L3MBTL4: variants seen among roughly 807,000 people sequenced by gnomAD.
L3MBTL4 encodes L3MBTL histone methyl-lysine binding protein 4, also known as lethal(3)malignant brain tumor-like protein 4.
In L3MBTL4, 70 loss-of-function variants were observed where a neutral mutation model predicts 84.5. The ratio of observed to expected loss-of-function variants is 0.83; its 90% CI spans 0.68 to 1.01. The LOEUF (loss-of-function observed/expected upper bound fraction) is 1.01, where lower values mean the gene tolerates loss of function less well. L3MBTL4 is among the 50% of genes least tolerant of loss of function. The pLI, the probability that L3MBTL4 is intolerant of heterozygous loss-of-function variation, is 0.00. For missense variants in L3MBTL4, 715 were observed against 754.8 expected, an observed-to-expected ratio of 0.95 and a Z score of 0.62; for synonymous variants, 274 against 259.8, an observed-to-expected ratio of 1.05 and a Z score of -0.52.
At chr18:6,104,794 G>A (rs2058947621) in intron 14 of L3MBTL4, among the ~76,000 whole-genome samples, 1 of 152,156 alleles carries the variant, frequency 6.6e-6, no homozygotes, top group South Asian at 2.1e-4. Context: ...GATAAACACT[G>A]ATTTGTAGAT....
At chr18:5,997,676 T>A (rs2054036407) in intron 16 of L3MBTL4, among the ~76,000 whole-genome samples, 1 of 152,096 alleles carries the variant, frequency 6.6e-6, no homozygotes, top group African/African-American at 2.4e-5. Context: ...CTGATTGATG[T>A]CTCATGTCTC....
At chr18:6,196,157 CTT>C (rs71370547) in intron 12 of L3MBTL4, among the ~76,000 whole-genome samples, 18 of 130,192 alleles carry the variant, frequency 1.4e-4, no homozygotes, top group East Asian at 2.1e-4. Flanking sequence ...TAGAGTTCCT[CTT>C]TTTTTTTTTT....
intron 13 of L3MBTL4, among the ~76,000 whole-genome samples, chr18:6,149,004 G>T (rs2042770961): frequency 6.6e-6 from 1 of 151,788 alleles, no homozygotes; most frequent in South Asian, 2.1e-4. Context: ...TATGAAAATT[G>T]TCTCTCAAAG....
chr18:6,018,375 G>A (rs2055097261), intron 16 of L3MBTL4, among the ~76,000 whole-genome samples: 1 of 152,184 alleles, frequency 6.6e-6, no homozygotes, highest in Admixed American at 6.5e-5. Flanking sequence ...GGCTGCACGG[G>A]TGATTCTGAT....
chr18:6,058,374 A>G (rs2057095830), intron 16 of L3MBTL4, among the ~76,000 whole-genome samples: 2 of 152,248 alleles, frequency 1.3e-5, no homozygotes, highest in Admixed American at 1.3e-4. Context: ...ATTGTTCCTC[A>G]TTGTCTGTGT....
intron 12 of L3MBTL4, among the ~76,000 whole-genome samples, chr18:6,188,891 A>C (rs1023524198): frequency 3.9e-5 from 6 of 152,228 alleles, no homozygotes; most frequent in Non-Finnish European, 7.3e-5. Flanking sequence ...ACCAGAGATG[A>C]ACTAAAGCTA....
chr18:6,410,992 C>G (rs2055942315), intron 1 of L3MBTL4, among the ~76,000 whole-genome samples: 2 of 152,216 alleles, frequency 1.3e-5, no homozygotes, highest in African/African-American at 2.4e-5. Flanking sequence ...TGTGACAACT[C>G]TGATGGGCTC....
chr18:6,126,053 T>C (rs1200728489), intron 14 of L3MBTL4, among the ~76,000 whole-genome samples: 1 of 152,170 alleles, frequency 6.6e-6, no homozygotes, highest in Non-Finnish European at 1.5e-5. Context: ...TTTTATATTT[T>C]ATTGAAGGAC....
At chr18:6,398,286 G>T (rs2144614987) in intron 1 of L3MBTL4, among the ~76,000 whole-genome samples, 1 of 152,316 alleles carries the variant, frequency 6.6e-6, no homozygotes, top group African/African-American at 2.4e-5. Flanking sequence ...TGAGTGTTAA[G>T]AGGTCAGAGG....
chr18:6,265,285 T>C (rs957704925), intron 4 of L3MBTL4, among the ~76,000 whole-genome samples: 5 of 152,204 alleles, frequency 3.3e-5, no homozygotes, highest in Non-Finnish European at 5.9e-5. Flanking sequence ...GATGAATAGC[T>C]AATCTTTGTA....
At chr18:6,274,517 G>T (rs753921195) in intron 4 of L3MBTL4, among the ~76,000 whole-genome samples, 20 of 152,138 alleles carry the variant, frequency 1.3e-4, no homozygotes, top group Non-Finnish European at 2.6e-4. Flanking sequence ...TCTGTTCCTT[G>T]CAAAAGAAAG....
intron 13 of L3MBTL4, among the ~76,000 whole-genome samples, chr18:6,168,160 C>T (rs1405944321): frequency 1.3e-5 from 2 of 152,088 alleles, no homozygotes; most frequent in Non-Finnish European, 2.9e-5. Context: ...CAAACCACTG[C>T]TCAATGAAAT....
In L3MBTL4 at chr18:6,261,828, C is replaced by G. The variant is rs558898039; in HGVS notation, c.219+2119G>C. On this transcript the variant is annotated intron_variant, in intron 5 of 18. Coordinates refer to ENST00000317931, the MANE Select transcript of L3MBTL4 (RefSeq NM_001330559.2). ...CTCTAGAATAATGTTAATACCCTGA[C>G]GGGCTGAGATGTGGGGCAACACAGG... 6.5e-4 allele frequency among the ~76,000 whole-genome samples: 99 copies of G among 152,266 alleles called. 1 individual carries two copies. Among genetic ancestry groups the G allele is most frequent in the African/African-American group, 2.3e-3 (94 of 41,558 alleles).
intron 16 of L3MBTL4, among the ~76,000 whole-genome samples, chr18:6,062,834 T>TC (rs34187477): frequency 0.26 from 39,113 of 151,752 alleles, 5,701 homozygotes; most frequent in East Asian, 0.59. Context: ...TTCCAATTTT[T>TC]TTTTTTTTAA....
At chr18:6,321,380 C>A (rs145921677) in intron 1 of L3MBTL4, among the ~76,000 whole-genome samples, 3 of 151,968 alleles carry the variant, frequency 2.0e-5, no homozygotes, top group African/African-American at 7.2e-5. Context: ...AACAAGTCAG[C>A]AAGAAAAAAA....
At chr18:6,163,268 G>GT (rs1341011839) in intron 13 of L3MBTL4, among the ~76,000 whole-genome samples, 46 of 89,050 alleles carry the variant, frequency 5.2e-4, no homozygotes, top group South Asian at 8.2e-4. Flanking sequence ...GTGGGGGGGG[G>GT]GTGGGTGTGT....
intron 1 of L3MBTL4, among the ~76,000 whole-genome samples, chr18:6,330,603 C>T (rs1000973633): frequency 4.6e-5 from 7 of 152,224 alleles, no homozygotes; most frequent in African/African-American, 1.7e-4. Flanking sequence ...GATCAGCAAC[C>T]TTCATTTCAT....
At chr18:6,365,163 T>C (rs920855424) in intron 1 of L3MBTL4, among the ~76,000 whole-genome samples, 1 of 152,162 alleles carries the variant, frequency 6.6e-6, no homozygotes. Context: ...TATCTTGATA[T>C]CAAGCACCTA....
intron 1 of L3MBTL4, among the ~76,000 whole-genome samples, chr18:6,411,969 A>G (rs910996056): frequency 7.9e-5 from 12 of 152,214 alleles, no homozygotes; most frequent in Non-Finnish European, 1.3e-4. Flanking sequence ...ATAATATTTT[A>G]GTAGAGTAAT....
Sources: gnomAD v4.1 joint callset for allele counts (sites outside exome capture counted in the v4.1 genomes callset) on GRCh38, gnomAD v4.1.1 for gene constraint, MANE v1.5 for transcripts, NCBI Gene and HGNC (gene_info 2026-07-23, HGNC 2026-07-21) for gene names.